Variants in GALNT17 observed in about 807,000 individuals in gnomAD.
GALNT17 encodes polypeptide N-acetylgalactosaminyltransferase 17.
A neutral mutation model predicts 63.7 loss-of-function variants in GALNT17; 29 were observed. The ratio of observed to expected loss-of-function variants is 0.46; its 90% CI spans 0.34 to 0.62. The LOEUF is 0.62. Ranked by LOEUF, GALNT17 falls within the 20% of genes least tolerant of loss-of-function variation. The pLI is 0.01. For synonymous variants in GALNT17, 305 were observed against 318.3 expected (o/e 0.96, Z 0.45); for missense variants, 603 against 799.6 (o/e 0.75, Z 2.97).
chr7:71,170,140 G>A (rs1158613462), intron 1 of GALNT17, among the ~76,000 whole-genome samples: 10 of 152,108 alleles, frequency 6.6e-5, no homozygotes, highest in South Asian at 2.1e-4. Flanking sequence ...TTGTCCTTGA[G>A]GATTGTGGCT....
chr7:71,412,454 TC>T (rs1334819300), intron 3 of GALNT17, among the ~76,000 whole-genome samples: 1 of 151,758 alleles, frequency 6.6e-6, no homozygotes, highest in African/African-American at 2.4e-5. Flanking sequence ...CACTGCAACT[TC>T]CGCCCCACCA....
intron 1 of GALNT17, 75 bp downstream of exon 1, chr7:71,133,115 G>A (rs1787717206): frequency 2.3e-6 from 3 of 1,298,378 alleles, no homozygotes; most frequent in East Asian, 5.6e-5. Context: ...GGGTCCTTGC[G>A]CGCTGCGCCC....
intron 9 of GALNT17, among the ~76,000 whole-genome samples, chr7:71,687,957 C>T (rs1003742079): frequency 6.6e-6 from 1 of 152,086 alleles, no homozygotes; most frequent in Non-Finnish European, 1.5e-5. Flanking sequence ...CTCAGCCTCC[C>T]AAAGTGCTGG....
intron 6 of GALNT17, among the ~76,000 whole-genome samples, chr7:71,598,576 A>G (rs1028364178): frequency 1.3e-5 from 2 of 152,108 alleles, no homozygotes; most frequent in African/African-American, 4.8e-5. Context: ...TAGATTTCAG[A>G]TAGAAAGACC....
At chr7:71,547,879 A>T (rs1427507233) in intron 5 of GALNT17, among the ~76,000 whole-genome samples, 1 of 152,092 alleles carries the variant, frequency 6.6e-6, no homozygotes, top group Non-Finnish European at 1.5e-5. Flanking sequence ...AAGGACACTT[A>T]TAGCACTAAT....
intron 5 of GALNT17, among the ~76,000 whole-genome samples, chr7:71,429,421 C>T (rs1355763863): frequency 6.6e-6 from 1 of 152,028 alleles, no homozygotes; most frequent in African/African-American, 2.4e-5. Flanking sequence ...TAGGAGGCTA[C>T]CCAAAAGGGG....
chr7:71,462,798 G>T (rs888986651), intron 5 of GALNT17, among the ~76,000 whole-genome samples: 3 of 152,194 alleles, frequency 2.0e-5, no homozygotes, highest in Non-Finnish European at 4.4e-5. Flanking sequence ...TGAGCAGAGA[G>T]ATAACTTTGA....
At chr7:71,687,887 G>A (rs553187067) in intron 9 of GALNT17, among the ~76,000 whole-genome samples, 68 of 152,162 alleles carry the variant, frequency 4.5e-4, no homozygotes, top group African/African-American at 1.6e-3. Flanking sequence ...TTGTACAGAT[G>A]GGGTCTTGCT....
chr7:71,634,003 ACT>A (rs1304795455), intron 6 of GALNT17, among the ~76,000 whole-genome samples: 1 of 151,766 alleles, frequency 6.6e-6, no homozygotes, highest in Admixed American at 6.6e-5. Flanking sequence ...TGTCTATTAA[ACT>A]CTCTCTACTA....
intron 1 of GALNT17, among the ~76,000 whole-genome samples, chr7:71,170,243 C>T (rs1357510404): frequency 6.6e-6 from 1 of 152,084 alleles, no homozygotes; most frequent in Non-Finnish European, 1.5e-5. Flanking sequence ...TAAGAATATC[C>T]AGGATGCTGT....
At chr7:71,705,997 AC>A (rs751844650) in intron 9 of GALNT17, among the ~76,000 whole-genome samples, 62 of 152,104 alleles carry the variant, frequency 4.1e-4, no homozygotes, top group Non-Finnish European at 7.4e-4. Flanking sequence ...ACTGGGGCAA[AC>A]TTTGGACATT....
chr7:71,232,520 A>G (rs1922518), intron 1 of GALNT17, among the ~76,000 whole-genome samples: 9,462 of 152,130 alleles, frequency 0.062, 1,014 homozygotes, highest in African/African-American at 0.22. Flanking sequence ...AGTGATTGGA[A>G]GTGATGCAGG....
intron 1 of GALNT17, among the ~76,000 whole-genome samples, chr7:71,252,499 G>A (rs1790217787): frequency 6.6e-6 from 1 of 152,130 alleles, no homozygotes; most frequent in South Asian, 2.1e-4. Context: ...CACCCCACTG[G>A]GCTACAGAGT....
intron 5 of GALNT17, among the ~76,000 whole-genome samples, chr7:71,481,436 C>T (rs950486836): frequency 2.6e-5 from 4 of 152,212 alleles, no homozygotes; most frequent in South Asian, 4.2e-4. Flanking sequence ...GGCGACAGAG[C>T]GAGACACTGT....
At position 71,666,148 on chromosome 7, in the gene GALNT17, A is replaced by G. The variant is rs1297947262; in HGVS notation, c.1266+552A>G. Among the ~76,000 whole-genome samples, 3 of 152,048 alleles carry G rather than the reference A, an allele frequency of 2.0e-5. No individual in the cohort carries two copies. In the East Asian group the frequency reaches 5.8e-4, roughly 29 times the overall value. ...AACTCTATCATTTATGAGTCAGGAGATCTTGACCAAATCCACTCATCTTCT... is the reference window on the plus strand; with the variant it reads ...AACTCTATCATTTATGAGTCAGGAGGTCTTGACCAAATCCACTCATCTTCT... On this transcript the variant is annotated intron_variant, in intron 7 of 10. Coordinates refer to ENST00000333538, the MANE Select transcript of GALNT17 (RefSeq NM_022479.3).
chr7:71,569,221 C>T (rs1451067647), intron 5 of GALNT17, among the ~76,000 whole-genome samples: 2 of 152,238 alleles, frequency 1.3e-5, no homozygotes, highest in African/African-American at 2.4e-5. Flanking sequence ...CCCCCTGCCT[C>T]GGCCTCCCAA....
At chr7:71,175,799 G>T (rs1419330036) in intron 1 of GALNT17, among the ~76,000 whole-genome samples, 1 of 152,146 alleles carries the variant, frequency 6.6e-6, no homozygotes, top group Admixed American at 6.5e-5. Context: ...TACTCAGAAG[G>T]CTAAGGCAGG....
At chr7:71,153,543 A>G (rs1247471505) in intron 1 of GALNT17, among the ~76,000 whole-genome samples, 1 of 152,216 alleles carries the variant, frequency 6.6e-6, no homozygotes, top group Non-Finnish European at 1.5e-5. Context: ...AGGACTGGTC[A>G]GAGTTGCATT....
chr7:71,144,790 C>G (rs906211489), intron 1 of GALNT17, among the ~76,000 whole-genome samples: 2 of 152,070 alleles, frequency 1.3e-5, no homozygotes, highest in African/African-American at 4.8e-5. Flanking sequence ...AGTGCAGTGG[C>G]ACATTTCATT....
Sources: allele counts gnomAD v4.1 joint callset (sites outside exome capture counted in the v4.1 genomes callset), GRCh38; gene constraint gnomAD v4.1.1; transcripts MANE v1.5; gene names NCBI Gene and HGNC (gene_info 2026-07-23, HGNC 2026-07-21).